SLC2A12: variants seen among roughly 807,000 people sequenced by gnomAD.
SLC2A12 encodes the protein solute carrier family 2, facilitated glucose transporter member 12.
Under a neutral mutation model 41.8 loss-of-function variants are expected in SLC2A12, and 23 were observed. The ratio of observed to expected loss-of-function variants is 0.55; its 90% CI spans 0.40 to 0.78. SLC2A12 has a LOEUF of 0.78. Among genes scored for constraint, SLC2A12 ranks in the 30% least tolerant of loss-of-function variants. SLC2A12 has a pLI of 0.00. For missense variants in SLC2A12, 654 were observed against 745.6 expected, an observed-to-expected ratio of 0.88 and a Z score of 1.43; for synonymous variants, 295 against 285.9, an observed-to-expected ratio of 1.03 and a Z score of -0.32.
chr6:133,992,317 G>A (rs926498289), intron 4 of SLC2A12, among the ~76,000 whole-genome samples: 4 of 152,258 alleles, frequency 2.6e-5, no homozygotes, highest in Non-Finnish European at 4.4e-5. Flanking sequence ...GTGGCAGGAG[G>A]ACAAGGTGGT....
rs2114477290 is a variant in SLC2A12, at chr6:134,028,868, G to A, written c.957C>T (p.Ala319=). 1 of 1,614,230 alleles carries A rather than the reference G, an allele frequency of 6.2e-7. No homozygotes were observed. The highest frequency in any genetic ancestry group is 1.6e-4 in the Middle Eastern group (1 of 6,062). ...GFQSNEAASL[A]STGVGVVKVI... ...CCTTGACGACTCCAACCCCAGTGGA[G>A]GCGAGGCTAGCTGCCTCATTGCTTT... Residue 319 remains alanine (A), a synonymous_variant, in exon 2 of 5, where the codon GCC becomes GCT. Coordinates refer to ENST00000275230, the MANE Select transcript of SLC2A12 (RefSeq NM_145176.3).
At chr6:134,027,887 G>A (rs979692343) in intron 2 of SLC2A12, among the ~76,000 whole-genome samples, 1 of 152,176 alleles carries the variant, frequency 6.6e-6, no homozygotes, top group African/African-American at 2.4e-5. Context: ...TGAATAAGAT[G>A]TACTCAAAAT....
chr6:134,004,179 T>C (rs998875603), intron 3 of SLC2A12, among the ~76,000 whole-genome samples: 2 of 152,200 alleles, frequency 1.3e-5, no homozygotes, highest in African/African-American at 4.8e-5. Flanking sequence ...AATTCCATTT[T>C]TTCTTTTATA....
At chr6:134,016,479 T>G (rs1393252511) in intron 2 of SLC2A12, among the ~76,000 whole-genome samples, 3 of 152,128 alleles carry the variant, frequency 2.0e-5, no homozygotes, top group Non-Finnish European at 4.4e-5. Flanking sequence ...GGGCAAGTGT[T>G]GATATTCTGG....
intron 1 of SLC2A12, among the ~76,000 whole-genome samples, chr6:134,046,013 A>G (rs1582629256): frequency 6.6e-6 from 1 of 152,154 alleles, no homozygotes; most frequent in African/African-American, 2.4e-5. Flanking sequence ...TATAAATAAA[A>G]CATTTCATTA....
intron 2 of SLC2A12, among the ~76,000 whole-genome samples, chr6:134,011,928 G>T (rs1776890099): frequency 6.6e-6 from 1 of 151,976 alleles, no homozygotes; most frequent in African/African-American, 2.4e-5. Flanking sequence ...TGTAGCCCCA[G>T]CTACTTGGGA....
At chr6:134,004,902 A>G (rs896519230) in intron 3 of SLC2A12, among the ~76,000 whole-genome samples, 5 of 152,214 alleles carry the variant, frequency 3.3e-5, no homozygotes, top group African/African-American at 1.2e-4. Flanking sequence ...AAACAGCGAG[A>G]CAACCAGACC....
At chr6:133,997,380 A>G (rs945704310) in intron 4 of SLC2A12, among the ~76,000 whole-genome samples, 1 of 152,232 alleles carries the variant, frequency 6.6e-6, no homozygotes, top group African/African-American at 2.4e-5. Flanking sequence ...CACTATTCAT[A>G]ATAGCAAACA....
chr6:134,043,639 A>C (rs1777415105), intron 1 of SLC2A12, among the ~76,000 whole-genome samples: 1 of 151,870 alleles, frequency 6.6e-6, no homozygotes, highest in South Asian at 2.1e-4. Context: ...TAAAAATACA[A>C]AAATTAGCAA....
intron 2 of SLC2A12, among the ~76,000 whole-genome samples, chr6:134,012,932 AC>A (rs1776907396): frequency 6.6e-6 from 1 of 152,158 alleles, no homozygotes; most frequent in South Asian, 2.1e-4. Flanking sequence ...GATCAATCAC[AC>A]CATTACACTC....
chr6:134,029,052 T>C lies in SLC2A12; in HGVS notation c.773A>G (p.Lys258Arg). The C allele has an allele frequency of 5.0e-6, 8 of 1,614,226 alleles. No individual in the cohort carries two copies. Among genetic ancestry groups the C allele is most frequent in the Non-Finnish European group, 6.8e-6 (8 of 1,180,034 alleles). ...CCAAAAACTGTACTGATATTCATCT[T>C]TCAGGGAGGATTTGATCACAGTGAG... ...EELTVIKSSL[K>R]DEYQYSFWDL... Residue 258 changes from lysine to arginine, a missense_variant, in exon 2 of 5, where the codon AAA (lysine) becomes AGA (arginine). Physicochemically the swap from Lys to Arg is conservative, Grantham distance 26. Coordinates refer to ENST00000275230, the MANE Select transcript of SLC2A12 (RefSeq NM_145176.3).
intron 1 of SLC2A12, among the ~76,000 whole-genome samples, chr6:134,031,407 A>T (rs1296436510): frequency 7.6e-6 from 1 of 131,934 alleles, no homozygotes; most frequent in African/African-American, 3.0e-5. Flanking sequence ...AAAACAAAAA[A>T]CAAAAAACAA....
chr6:133,999,103 C>A (rs1157368383), intron 4 of SLC2A12, among the ~76,000 whole-genome samples: 2 of 152,072 alleles, frequency 1.3e-5, no homozygotes, highest in Non-Finnish European at 2.9e-5. Context: ...CTAGCCAATG[C>A]AGTATAGAAG....
At chr6:134,045,673 A>T (rs1189615876) in intron 1 of SLC2A12, among the ~76,000 whole-genome samples, 1 of 152,178 alleles carries the variant, frequency 6.6e-6, no homozygotes, top group Non-Finnish European at 1.5e-5. Flanking sequence ...CTTATCTGTG[A>T]ACTGGGGTGC....
In SLC2A12 at chr6:134,028,545, T is replaced by C; in HGVS notation, c.1280A>G (p.Asp427Gly). 6.2e-7 allele frequency: 1 copy of C among 1,614,172 alleles called. No homozygotes were observed. The highest frequency in any genetic ancestry group is 8.5e-7 in the Non-Finnish European group (1 of 1,180,018). The change falls in exon 2 of 5, where the codon GAT (aspartate) becomes GGT (glycine). Residue 427 changes from aspartate to glycine, a missense_variant. Coordinates refer to ENST00000275230, the MANE Select transcript of SLC2A12 (RefSeq NM_145176.3). ...SSLMPLRNDV[D>G]KRGETTSASL... Reference sequence around the variant, plus strand: ...TGCTGAGGTCGTCTCCCCTCTCTTATCCACATCATTTCTCAGGGGCATGAG... The same window carrying C: ...TGCTGAGGTCGTCTCCCCTCTCTTACCCACATCATTTCTCAGGGGCATGAG...
chr6:133,995,350 G>A (rs1237698542), intron 4 of SLC2A12, among the ~76,000 whole-genome samples: 1 of 151,714 alleles, frequency 6.6e-6, no homozygotes, highest in Non-Finnish European at 1.5e-5. Flanking sequence ...GAGAGAGGGG[G>A]TGAAGGGGGC....
At position 133,991,107 on chromosome 6, in the gene SLC2A12, C is replaced by T; in HGVS notation, c.*48G>A. On this transcript the variant is annotated 3_prime_UTR_variant, in exon 5 of 5. Coordinates refer to ENST00000275230, the MANE Select transcript of SLC2A12 (RefSeq NM_145176.3). ...CAACTATGCATTGGTCCAAAGACAC[C>T]CTCCTAAGTGTTCTGGCACTATCCA... 2 of 1,565,140 alleles carry T rather than the reference C, an allele frequency of 1.3e-6. No homozygotes were observed. Among genetic ancestry groups the T allele is most frequent in the South Asian group, 1.2e-5 (1 of 82,778 alleles).
intron 2 of SLC2A12, among the ~76,000 whole-genome samples, chr6:134,026,649 A>T (rs1279762041): frequency 6.6e-6 from 1 of 152,204 alleles, no homozygotes; most frequent in Non-Finnish European, 1.5e-5. Flanking sequence ...CTTAAAAAGC[A>T]GGTTTAAGGT....
At chr6:134,009,888 A>G (rs1242025110) in intron 2 of SLC2A12, among the ~76,000 whole-genome samples, 1 of 152,142 alleles carries the variant, frequency 6.6e-6, no homozygotes, top group East Asian at 1.9e-4. Flanking sequence ...ATGATTCCAG[A>G]TTGTAAAATC....
Sources: allele counts gnomAD v4.1 joint callset (sites outside exome capture counted in the v4.1 genomes callset), GRCh38; gene constraint gnomAD v4.1.1; transcripts MANE v1.5; gene names NCBI Gene and HGNC (gene_info 2026-07-23, HGNC 2026-07-21).